VSTM2A: variants seen among roughly 807,000 people sequenced by gnomAD.
VSTM2A encodes the protein V-set and transmembrane domain-containing protein 2A.
In VSTM2A, 13 loss-of-function variants were observed where a neutral mutation model predicts 27.3. The ratio of observed to expected loss-of-function variants is 0.48; its 90% CI spans 0.31 to 0.76. The LOEUF is 0.76. Ranked by LOEUF, VSTM2A falls within the 30% of genes least tolerant of loss-of-function variation. VSTM2A has a pLI of 0.05. For missense variants in VSTM2A, 280 were observed against 310.0 expected, an observed-to-expected ratio of 0.90 and a Z score of 0.73; for synonymous variants, 142 against 125.7, an observed-to-expected ratio of 1.13 and a Z score of -0.87.
At chr7:54,568,355 A>G (rs1189207434) in intron 4 of VSTM2A, among the ~76,000 whole-genome samples, 2 of 152,154 alleles carry the variant, frequency 1.3e-5, no homozygotes, top group Non-Finnish European at 2.9e-5. Context: ...TCCTCATCAC[A>G]TTTTTGTTCT....
At chr7:54,564,189 T>C (rs879740661) in intron 4 of VSTM2A, among the ~76,000 whole-genome samples, 1 of 152,264 alleles carries the variant, frequency 6.6e-6, no homozygotes, top group African/African-American at 2.4e-5. Flanking sequence ...ACTTTTACTA[T>C]TGGAGGATTT....
At chr7:54,563,948 A>G (rs560277783) in intron 4 of VSTM2A, among the ~76,000 whole-genome samples, 2 of 152,356 alleles carry the variant, frequency 1.3e-5, no homozygotes, top group East Asian at 1.9e-4. Flanking sequence ...AAATCATTCT[A>G]TTATTTGACC....
At chr7:54,562,077 C>A (rs1788580353) in intron 4 of VSTM2A, among the ~76,000 whole-genome samples, 1 of 152,054 alleles carries the variant, frequency 6.6e-6, no homozygotes, top group African/African-American at 2.4e-5. Context: ...GCATGCACCA[C>A]CACGCCCAGC....
intron 2 of VSTM2A, chr7:54,546,714 C>A: frequency 2.0e-6 from 1 of 509,440 alleles, no homozygotes; most frequent in Non-Finnish European, 3.4e-6. Flanking sequence ...GGGACAGCCC[C>A]GGGGAAAGCG....
intron 4 of VSTM2A, among the ~76,000 whole-genome samples, chr7:54,556,584 C>G (rs915084818): frequency 4.6e-5 from 7 of 152,140 alleles, no homozygotes; most frequent in African/African-American, 1.7e-4. Flanking sequence ...GCTGCTTACA[C>G]AGGTTAAATT....
intron 4 of VSTM2A, among the ~76,000 whole-genome samples, chr7:54,566,255 G>A (rs896170264): frequency 6.6e-6 from 1 of 152,198 alleles, no homozygotes; most frequent in South Asian, 2.1e-4. Flanking sequence ...ACATAATTTA[G>A]ATAATAGCAT....
chr7:54,562,643 A>T (rs1235200930), intron 4 of VSTM2A, among the ~76,000 whole-genome samples: 2 of 152,210 alleles, frequency 1.3e-5, no homozygotes, highest in Non-Finnish European at 2.9e-5. Context: ...AATTCAGGGC[A>T]AGCTGTCCTG....
intron 2 of VSTM2A, among the ~76,000 whole-genome samples, chr7:54,545,401 G>A (rs1377328456): frequency 2.0e-5 from 3 of 147,328 alleles, no homozygotes; most frequent in Non-Finnish European, 3.0e-5. Flanking sequence ...AGAGAGGGAA[G>A]GGGGAAAAAG....
chr7:54,564,190 TG>T (rs764133627), intron 4 of VSTM2A, among the ~76,000 whole-genome samples: 2 of 152,258 alleles, frequency 1.3e-5, no homozygotes, highest in Non-Finnish European at 2.9e-5. Context: ...CTTTTACTAT[TG>T]GAGGATTTCC....
In VSTM2A at chr7:54,569,654, T is replaced by G. The variant is rs904508388; in HGVS notation, c.*435T>G. 6.3e-6 allele frequency: 1 copy of G among 157,780 alleles called. No individual in the cohort carries two copies. Among genetic ancestry groups the G allele is most frequent in the Non-Finnish European group, 1.4e-5 (1 of 71,614 alleles). The allele number at this position is 157,780 out of a possible 1,614,324, so 9.8% of individuals were successfully genotyped here. A position where few individuals can be genotyped will look rare whatever the true frequency, so the allele number is the denominator to read the frequency against. The stretch of plus-strand genomic sequence containing the variant: ...AGAAAGAAATTTTTTTATTTTCCCC[T>G]TTTTTTCTTGGATTTTTCTTCTTTT... On this transcript the variant is annotated 3_prime_UTR_variant, in exon 5 of 5. Transcript: ENST00000402613.
At chr7:54,544,525 C>A in intron 1 of VSTM2A, 97 bp from the exon 2 acceptor site, 1 of 1,473,514 alleles carries the variant, frequency 6.8e-7, no homozygotes, top group Non-Finnish European at 9.4e-7. Context: ...GGTTTTGTTG[C>A]TATTTAAGTC....
rs1240558592 is a variant in VSTM2A at position 54,570,716 on chromosome 7, A to G, written c.*1497A>G. The G allele has an allele frequency of 2.0e-5, 3 of 152,176 alleles. No homozygotes were observed. The highest frequency in any genetic ancestry group is 2.9e-5 in the Non-Finnish European group (2 of 68,014). 9.4% of individuals were successfully genotyped at this position (152,176 alleles called of 1,614,324 possible). A position where few individuals can be genotyped will look rare whatever the true frequency, so the allele number is the denominator to read the frequency against. On this transcript the variant is annotated 3_prime_UTR_variant, in exon 5 of 5. Transcript: ENST00000402613. ...AGGCAGAACTATTAGTGTTCCATAT[A>G]CATTATGGAATAGATAAAGCTTGAG... is the stretch of plus-strand genomic sequence containing the variant.
At position 54,569,837 on chromosome 7, in the gene VSTM2A, T is replaced by C. The variant is rs1185976984; in HGVS notation, c.*618T>C. 1 of 152,274 alleles carries C rather than the reference T, an allele frequency of 6.6e-6. No individual in the cohort carries two copies. Among genetic ancestry groups the C allele is most frequent in the Non-Finnish European group, 1.5e-5 (1 of 68,138 alleles). 9.4% of individuals were successfully genotyped at this position (152,274 alleles called of 1,614,324 possible). On this transcript the variant is annotated 3_prime_UTR_variant, in exon 5 of 5. Transcript: ENST00000402613. Reference sequence around the variant, plus strand: ...GTGTATGCAAACCTGATAAATTCTGTAAATTGCTTATAGTATGTGTGCTAT... The same window carrying C: ...GTGTATGCAAACCTGATAAATTCTGCAAATTGCTTATAGTATGTGTGCTAT...
intron 4 of VSTM2A, chr7:54,568,928 A>T (rs968790354): frequency 2.6e-5 from 38 of 1,458,660 alleles, no homozygotes; most frequent in Non-Finnish European, 3.5e-5. Context: ...TTAAATATAT[A>T]TATGTATGTG....
In VSTM2A at chr7:54,550,068, G is replaced by C; in HGVS notation, c.532G>C (p.Ala178Pro). 1.2e-6 allele frequency: 2 copies of C among 1,608,834 alleles called. No individual in the cohort carries two copies. The highest frequency in any genetic ancestry group is 8.5e-7 in the Non-Finnish European group (1 of 1,177,652). ...TATGAAGCCCCGCAAGAACGTCTCC[G>C]CAGCCATCCCCAGCAGCATCCATGG... Reference protein sequence around the residue: ...QDMKPRKNVSAAIPSSIHGSA... With the variant: ...QDMKPRKNVSPAIPSSIHGSA... The change falls in exon 4 of 5, where the codon GCA becomes CCA. Residue 178 changes from alanine (A) to proline (P), a missense_variant. Physicochemically the swap from Ala to Pro is conservative, Grantham distance 27. Coordinates refer to ENST00000402613, the MANE Select transcript of VSTM2A (RefSeq NM_001301009.2).
Position 54,546,979 on chromosome 7 carries a change from C to G in VSTM2A, c.279C>G (p.Ser93Arg). ...TCTTGCCCGACAGAGACCCGGACAG[C>G]GACGGGACCAAGATCAGCGTGAGTG... is the stretch of plus-strand genomic sequence containing the variant. ...VELLPDRDPD[S>R]DGTKISTVKV... The change falls in exon 3 of 5, where the codon AGC becomes AGG. Residue 93 changes from serine to arginine, a missense_variant. By Grantham distance (110) the Ser-to-Arg change is moderately radical. Coordinates refer to ENST00000402613, the MANE Select transcript of VSTM2A (RefSeq NM_001301009.2). 1 of 1,591,704 alleles carries G rather than the reference C, an allele frequency of 6.3e-7. No individual in the cohort carries two copies. Among genetic ancestry groups the G allele is most frequent in the Non-Finnish European group, 8.5e-7 (1 of 1,171,924 alleles).
chr7:54,549,468 A>G (rs2115808398), intron 3 of VSTM2A, among the ~76,000 whole-genome samples: 1 of 152,314 alleles, frequency 6.6e-6, no homozygotes, highest in East Asian at 1.9e-4. Context: ...AGGTTGTTTC[A>G]CCTATAGAGT....
chr7:54,567,231 A>G lies in VSTM2A; in HGVS notation c.635-1900A>G, dbSNP rs530851655. On this transcript the variant is annotated intron_variant, in intron 4 of 4. Coordinates refer to ENST00000402613, the MANE Select transcript of VSTM2A (RefSeq NM_001301009.2). Reference sequence around the variant, plus strand: ...AAATGAATTGTATTTAATTAAAAATATGCTAGTAAATGCATGTACTTAGAG... The same window carrying G: ...AAATGAATTGTATTTAATTAAAAATGTGCTAGTAAATGCATGTACTTAGAG... Among the ~76,000 whole-genome samples the G allele has an allele frequency of 1.4e-4, 22 of 152,376 alleles. 1 individual carries two copies. Among genetic ancestry groups the G allele is most frequent in the African/African-American group, 2.4e-5 (1 of 41,598 alleles).
chr7:54,544,501 G>A, intron 1 of VSTM2A, 121 bp from the exon 2 acceptor site: 1 of 1,233,270 alleles, frequency 8.1e-7, no homozygotes, highest in Non-Finnish European at 1.2e-6. Flanking sequence ...ACGAAGCCGA[G>A]GATGTAAGAG....
Sources: gnomAD v4.1 joint callset for allele counts (sites outside exome capture counted in the v4.1 genomes callset) on GRCh38, gnomAD v4.1.1 for gene constraint, MANE v1.5 for transcripts, NCBI Gene and HGNC (gene_info 2026-07-23, HGNC 2026-07-21) for gene names.